COL9A3: variants seen among roughly 807,000 people sequenced by gnomAD.
COL9A3 encodes the protein collagen type IX alpha 3 chain, also known as collagen alpha-3(IX) chain.
A neutral mutation model predicts 110.2 loss-of-function variants in COL9A3; 82 were observed. That is an observed-to-expected ratio of 0.74 (90% CI 0.62 to 0.89). The LOEUF (loss-of-function observed/expected upper bound fraction) is 0.89. COL9A3 is among the 40% of genes least tolerant of loss of function. COL9A3 has a pLI of 0.00. For synonymous variants in COL9A3, 494 were observed against 403.8 expected (o/e 1.22, Z -2.68); for missense variants, 1,066 against 981.3 (o/e 1.09, Z -1.15).
At chr20:62,836,995 A>G (rs2063641510) in intron 29 of COL9A3, 88 bp from the exon 30 acceptor site, 5 of 1,511,142 alleles carry the variant, frequency 3.3e-6, no homozygotes, top group Non-Finnish European at 4.5e-6. Context: ...TCTGGAAGAC[A>G]GCACCGTGTA....
chr20:62,829,095 G>C, intron 19 of COL9A3, 119 bp downstream of exon 19: 1 of 1,150,842 alleles, frequency 8.7e-7, no homozygotes, highest in Non-Finnish European at 1.2e-6. Context: ...GGGTTCTGGG[G>C]CCTGTGTCCA....
At chr20:62,825,432 C>G (rs749415526) in intron 12 of COL9A3, 2 of 361,490 alleles carry the variant, frequency 5.5e-6, no homozygotes, top group Non-Finnish European at 5.1e-6. Context: ...GGTCGCTGTC[C>G]GTGGAGGGTG....
intron 10 of COL9A3, 64 bp from the exon 11 acceptor site, chr20:62,824,381 C>T (rs1003706552): frequency 2.1e-5 from 32 of 1,492,112 alleles, no homozygotes; most frequent in Admixed American, 4.0e-5. Context: ...CGGGCGCTGA[C>T]CCCTGCGTCG....
rs763372038 is a variant in COL9A3 at position 62,836,289 on chromosome 20, G to C, written c.1504G>C (p.Gly502Arg). The C allele has an allele frequency of 1.2e-6, 2 of 1,613,886 alleles. No homozygotes were observed. Among genetic ancestry groups the C allele is most frequent in the Admixed American group, 3.3e-5 (2 of 60,032 alleles). ...GCCCCCCGGTCCTCTGGGCCTGCAG[G>C]GCGTCCCGGGTGTTCCTGGCATCAC... ...PGPPGPLGLQ[G>R]VPGVPGITGK... The change falls in exon 28 of 32, where the codon GGC (glycine) becomes CGC (arginine). Residue 502 changes from glycine (G) to arginine (R), a missense_variant. Physicochemically the swap from Gly to Arg is moderately radical, Grantham distance 125 (BLOSUM62 -2). Coordinates refer to ENST00000649368, the MANE Select transcript of COL9A3 (RefSeq NM_001853.4).
chr20:62,829,673 G>C lies in COL9A3; in HGVS notation c.1099G>C (p.Gly367Arg), dbSNP rs761751308. The C allele has an allele frequency of 1.9e-6, 3 of 1,609,282 alleles. No homozygotes were observed. In the South Asian group the frequency reaches 3.3e-5, roughly 18 times the overall value. The change falls in exon 21 of 32, where the codon GGC becomes CGC. Residue 367 changes from glycine to arginine, a missense_variant. By Grantham distance (125) the Gly-to-Arg change is moderately radical. Transcript: ENST00000649368. Reference sequence around the variant, plus strand: ...TGAGGCCGGCCCCTCTGGAGAGCCAGGCGTCCCTGTGAGTATCTGCGGCGC... The same window carrying C: ...TGAGGCCGGCCCCTCTGGAGAGCCACGCGTCCCTGTGAGTATCTGCGGCGC... Reference protein sequence around the residue: ...LGEAGPSGEPGVPGDAGMPGE... With the variant: ...LGEAGPSGEPRVPGDAGMPGE...
intron 26 of COL9A3, among the ~76,000 whole-genome samples, chr20:62,833,314 G>C (rs145515402): frequency 6.6e-6 from 1 of 152,252 alleles, no homozygotes. Context: ...GTGCTCAGAC[G>C]TGTGGGCTCC....
At chr20:62,826,509 G>T (rs1305911410) in intron 14 of COL9A3, among the ~76,000 whole-genome samples, 3 of 152,226 alleles carry the variant, frequency 2.0e-5, no homozygotes, top group Non-Finnish European at 4.4e-5. Context: ...TCACGCGTGT[G>T]CCCGGGCGAG....
rs1024952241 is a variant in COL9A3, at chr20:62,829,750, C to T, written c.1108-16C>T. The stretch of plus-strand genomic sequence containing the variant: ...GTGCAGACCCTGCCCTGACACCCTC[C>T]TTCCTTTCCCTGTAGGGAGATGCTG... On this transcript the variant is annotated splice_polypyrimidine_tract_variant and intron_variant, in intron 21 of 31. Coordinates refer to ENST00000649368, the MANE Select transcript of COL9A3 (RefSeq NM_001853.4). 27 of 1,591,606 alleles carry T rather than the reference C, an allele frequency of 1.7e-5. 1 individual carries two copies. The Admixed American group carries it at 2.5e-4, about 15-fold the overall frequency.
Position 62,830,561 on chromosome 20 carries a change from G to A in COL9A3, c.1260G>A (p.Gln420=). The A allele has an allele frequency of 1.2e-6, 2 of 1,605,532 alleles. No homozygotes were observed. ...GAGACCCCGGCCTTCCAGGCCCCCAGGGCCTCCGAGGTGACGTGGGCGACC... is the reference window on the plus strand; with the variant it reads ...GAGACCCCGGCCTTCCAGGCCCCCAAGGCCTCCGAGGTGACGTGGGCGACC... ...SMGDPGLPGP[Q]GLRGDVGDRG... The change falls in exon 24 of 32, where the codon CAG becomes CAA. Residue 420 remains glutamine (Q), a synonymous_variant. Transcript: ENST00000649368.
intron 11 of COL9A3, 140 bp from the exon 12 acceptor site, chr20:62,824,828 T>G (rs1170697304): frequency 3.2e-6 from 3 of 927,836 alleles, no homozygotes; most frequent in East Asian, 2.7e-5. Flanking sequence ...AGTTTCCCCA[T>G]GAGGGCCCAG....
Position 62,825,745 on chromosome 20 carries a change from G to A in COL9A3, c.631-72G>A, listed in dbSNP as rs1409313834. 2.0e-6 allele frequency: 3 copies of A among 1,473,420 alleles called. No individual in the cohort carries two copies. In the East Asian group the frequency reaches 7.4e-5, roughly 36 times the overall value. 91.3% of individuals were successfully genotyped at this position (1,473,420 alleles called of 1,614,324 possible). On this transcript the variant is annotated intron_variant, in intron 12 of 31. Coordinates refer to ENST00000649368, the MANE Select transcript of COL9A3 (RefSeq NM_001853.4). ...CCCCAGCTGCTTGGGCTTGAGTAGG[G>A]TGACTGGAGGCACCGAAAGGTGCAA... is the stretch of plus-strand genomic sequence containing the variant.
rs1342546995 is a variant in COL9A3, at chr20:62,824,152, C to T, written c.520-293C>T. Among the ~76,000 whole-genome samples the T allele has an allele frequency of 2.9e-5, 4 of 136,060 alleles. 2 individuals carry two copies. The South Asian group carries it at 1.0e-3, about 34-fold the overall frequency. The allele number at this position is 136,060 out of a possible 152,430, so 89.3% of individuals were successfully genotyped here. A position where few individuals can be genotyped will look rare whatever the true frequency, so the allele number is the denominator to read the frequency against. ...GTCCCGTCTCTGTGTGGAGTGGCCT[C>T]CTGGGGTCCTGTCACCCAGAGTGTC... On this transcript the variant is annotated intron_variant, in intron 10 of 31. Transcript: ENST00000649368.
intron 26 of COL9A3, 49 bp downstream of exon 26, chr20:62,833,113 G>A (rs1001180781): frequency 4.1e-6 from 6 of 1,480,498 alleles, no homozygotes; most frequent in South Asian, 2.3e-5. Flanking sequence ...GAGCGAGGTC[G>A]CCACTGTGGC....
intron 1 of COL9A3, 185 bp downstream of exon 1, chr20:62,817,327 C>T (rs1185799515): frequency 4.0e-6 from 2 of 505,970 alleles, no homozygotes; most frequent in Non-Finnish European, 6.5e-6. Context: ...TCCTCGCTGG[C>T]CCGGGTCGGC....
Position 62,840,527 on chromosome 20 carries a change from C to T in COL9A3, c.1865-15C>T, listed in dbSNP as rs2053471272. 1 of 1,610,716 alleles carries T rather than the reference C, an allele frequency of 6.2e-7. No individual in the cohort carries two copies. The highest frequency in any genetic ancestry group is 8.5e-7 in the Non-Finnish European group (1 of 1,179,260). On this transcript the variant is annotated splice_polypyrimidine_tract_variant and intron_variant, in intron 31 of 31. Transcript: ENST00000649368. ...CCGGGCTGCAGCTGAACTCACCTTT[C>T]TGCTCTGTCCCAAGGACCCCAAGGC...
intron 25 of COL9A3, among the ~76,000 whole-genome samples, 184 bp downstream of exon 25, chr20:62,832,373 CA>C (rs2063603605): frequency 6.6e-6 from 1 of 152,268 alleles, no homozygotes; most frequent in South Asian, 2.1e-4. Context: ...ACAGCGAAAG[CA>C]GCTCTGGGCA....
rs745504325 is a variant in COL9A3, at chr20:62,833,038, G to T, written c.1342G>T (p.Gly448Cys). The change falls in exon 26 of 32, where the codon GGT becomes TGT. Residue 448 changes from glycine to cysteine, a missense_variant. Transcript: ENST00000649368. The stretch of plus-strand genomic sequence containing the variant: ...TTTTCAGGGTATTGCAGGTTCCGAC[G>T]GTCTTCCTGGGGATAAAGGAGAACT... ...KGDQGIAGSD[G>C]LPGDKGELGP... is the part of the protein sequence containing the mutation. The T allele has an allele frequency of 3.1e-6, 5 of 1,613,826 alleles. No homozygotes were observed. The highest frequency in any genetic ancestry group is 4.2e-6 in the Non-Finnish European group (5 of 1,179,826).
At chr20:62,832,722 G>T in intron 25 of COL9A3, 1 of 260,772 alleles carries the variant, frequency 3.8e-6, no homozygotes. Flanking sequence ...CTAGGCACAA[G>T]GCCTTTCCAT....
At chr20:62,839,637 C>G (rs2063659611) in intron 31 of COL9A3, among the ~76,000 whole-genome samples, 1 of 150,790 alleles carries the variant, frequency 6.6e-6, no homozygotes, top group Non-Finnish European at 1.5e-5. Flanking sequence ...ACACTGCTCT[C>G]TGGATGCCCT....
Sources: gnomAD v4.1 joint callset for allele counts (sites outside exome capture counted in the v4.1 genomes callset) on GRCh38, gnomAD v4.1.1 for gene constraint, MANE v1.5 for transcripts, NCBI Gene and HGNC (gene_info 2026-07-23, HGNC 2026-07-21) for gene names.